Variants in USH2A observed in about 807,000 individuals in gnomAD.
USH2A encodes the protein usherin, also known as Usher syndrome 2A (autosomal recessive, mild).
A neutral mutation model predicts 538.9 loss-of-function variants in USH2A; 443 were observed. The observed-to-expected ratio is 0.82, with a 90% CI of 0.76 to 0.89. USH2A has a LOEUF of 0.89. USH2A is among the 40% of genes least tolerant of loss of function. USH2A has a pLI of 0.00. For missense variants in USH2A, 6,633 were observed against 6,324.8 expected (o/e 1.05, Z -1.65); for synonymous variants, 2,413 against 2,273.5 (o/e 1.06, Z -1.75).
intron 9 of USH2A, among the ~76,000 whole-genome samples, chr1:216,297,431 T>TA (rs2037129866): frequency 6.6e-6 from 1 of 152,144 alleles, no homozygotes; most frequent in African/African-American, 2.4e-5. Flanking sequence ...TAGAATGTCT[T>TA]ACTTTTATCT....
chr1:216,044,141 C>A (rs988437095), intron 32 of USH2A, among the ~76,000 whole-genome samples: 1 of 151,968 alleles, frequency 6.6e-6, no homozygotes, highest in Non-Finnish European at 1.5e-5. Flanking sequence ...AACCGATGAA[C>A]AAACAAACAG....
intron 15 of USH2A, among the ~76,000 whole-genome samples, chr1:216,210,421 C>T (rs756332787): frequency 2.0e-5 from 3 of 152,044 alleles, no homozygotes; most frequent in Non-Finnish European, 2.9e-5. Flanking sequence ...ACCCTGTGAT[C>T]AATCAAGCAG....
chr1:216,037,903 C>A (rs1043393823), intron 32 of USH2A, among the ~76,000 whole-genome samples: 2 of 151,656 alleles, frequency 1.3e-5, no homozygotes, highest in African/African-American at 4.8e-5. Context: ...TGAGTCTCAT[C>A]ATTTAGCTCT....
intron 13 of USH2A, among the ~76,000 whole-genome samples, chr1:216,245,925 T>C (rs2036033903): frequency 6.6e-6 from 1 of 152,194 alleles, no homozygotes; most frequent in South Asian, 2.1e-4. Context: ...AACGGATAAG[T>C]ACTTATATTT....
At chr1:216,185,365 C>T (rs1289772429) in intron 20 of USH2A, among the ~76,000 whole-genome samples, 1 of 151,928 alleles carries the variant, frequency 6.6e-6, no homozygotes, top group East Asian at 1.9e-4. Context: ...AATTATAATT[C>T]TCAAGCTTTT....
intron 35 of USH2A, among the ~76,000 whole-genome samples, chr1:215,980,192 G>A (rs962079081): frequency 7.2e-5 from 11 of 152,136 alleles, no homozygotes. Context: ...TCACTGGATT[G>A]AGCGTTTTAA....
chr1:215,891,001 T>C (rs1665195826), intron 40 of USH2A, among the ~76,000 whole-genome samples: 1 of 152,196 alleles, frequency 6.6e-6, no homozygotes, highest in African/African-American at 2.4e-5. Context: ...ATTCCTCATA[T>C]GTGAACTATC....
intron 21 of USH2A, among the ~76,000 whole-genome samples, chr1:216,098,725 A>C (rs565578251): frequency 9.8e-4 from 150 of 152,372 alleles, no homozygotes; most frequent in African/African-American, 3.6e-3. Context: ...ACTGACATTG[A>C]GTTCTAGTTG....
At chr1:216,149,227 C>T (rs532787819) in intron 21 of USH2A, among the ~76,000 whole-genome samples, 1 of 152,274 alleles carries the variant, frequency 6.6e-6, no homozygotes, top group African/African-American at 2.4e-5. Context: ...GTTAGAGGCC[C>T]TCAAAATAAG....
intron 21 of USH2A, among the ~76,000 whole-genome samples, chr1:216,169,509 G>A (rs2102635730): frequency 6.6e-6 from 1 of 152,066 alleles, no homozygotes; most frequent in East Asian, 1.9e-4. Flanking sequence ...CATTTCCTGA[G>A]AACTTACTTA....
chr1:215,955,640 A>G (rs1571844540), intron 37 of USH2A, among the ~76,000 whole-genome samples: 1 of 152,050 alleles, frequency 6.6e-6, no homozygotes, highest in East Asian at 1.9e-4. Context: ...AACCCGATTT[A>G]TAAATAAAGA....
chr1:216,005,050 C>G (rs922592487), intron 32 of USH2A, among the ~76,000 whole-genome samples: 1 of 152,146 alleles, frequency 6.6e-6, no homozygotes, highest in Non-Finnish European at 1.5e-5. Flanking sequence ...CCTTCTTCTG[C>G]TCTTAGAACG....
rs116725460 is a variant in USH2A at position 216,170,827 on chromosome 1, A to T, written c.4627+4425T>A. ...CTCTGCATTCCTGAAAAAAACGAGC[A>T]TGATTTTTTTTTCTCTCCAAAGGCA... On this transcript the variant is annotated intron_variant, in intron 21 of 71. Coordinates refer to ENST00000307340, the MANE Select transcript of USH2A (RefSeq NM_206933.4). Among the ~76,000 whole-genome samples, 451 of 152,124 alleles carry T rather than the reference A, an allele frequency of 3.0e-3. 1 individual carries two copies. Among genetic ancestry groups the T allele is most frequent in the African/African-American group, 0.01 (433 of 41,480 alleles).
intron 20 of USH2A, among the ~76,000 whole-genome samples, chr1:216,189,828 T>C (rs1346846696): frequency 7.2e-5 from 11 of 151,962 alleles, no homozygotes; most frequent in Middle Eastern, 6.3e-3. Context: ...AGCTTCCTGA[T>C]TGTTTCTCAC....
At chr1:216,279,894 G>A (rs1196298831) in intron 11 of USH2A, among the ~76,000 whole-genome samples, 5 of 152,070 alleles carry the variant, frequency 3.3e-5, no homozygotes, top group Non-Finnish European at 7.4e-5. Context: ...ACCATCACCT[G>A]TGGAGGTGGC....
At chr1:216,377,688 G>GAGAGC (rs2038848125) in intron 3 of USH2A, among the ~76,000 whole-genome samples, 1 of 147,636 alleles carries the variant, frequency 6.8e-6, no homozygotes, top group African/African-American at 2.6e-5. Flanking sequence ...AAGGGAAGGG[G>GAGAGC]AGGGGAGAGC....
In USH2A at chr1:215,674,916, G is replaced by A. The variant is rs763398168; in HGVS notation, c.12995C>T (p.Ala4332Val). 4 of 1,614,050 alleles carry A rather than the reference G, an allele frequency of 2.5e-6. No individual in the cohort carries two copies. Among genetic ancestry groups the A allele is most frequent in the African/African-American group, 1.3e-5 (1 of 74,936 alleles). ...ELLPFSTYSY[A>V]LQACTSGGCS... ...TCCTCCACTCGTGCAGGCTTGGAGT[G>A]CATAGCTATAGGTGGAAAAAGGAAG... Residue 4332 changes from alanine to valine, a missense_variant, in exon 63 of 72, where the codon GCA becomes GTA. Transcript: ENST00000307340.
intron 9 of USH2A, among the ~76,000 whole-genome samples, chr1:216,312,221 G>A (rs1263114584): frequency 6.6e-6 from 1 of 150,996 alleles, no homozygotes; most frequent in Non-Finnish European, 1.5e-5. Flanking sequence ...TTTCTTGCTT[G>A]CATGCTTTCT....
At chr1:216,309,926 A>G (rs962611431) in intron 9 of USH2A, among the ~76,000 whole-genome samples, 1 of 152,080 alleles carries the variant, frequency 6.6e-6, no homozygotes, top group Non-Finnish European at 1.5e-5. Flanking sequence ...TTATTTTTAC[A>G]CATTGCTTAA....
Sources: gnomAD v4.1 joint callset for allele counts (sites outside exome capture counted in the v4.1 genomes callset) on GRCh38, gnomAD v4.1.1 for gene constraint, MANE v1.5 for transcripts, NCBI Gene and HGNC (gene_info 2026-07-23, HGNC 2026-07-21) for gene names.